The following CPEB3 variants were observed in gnomAD, a reference collection of about 807,000 sequenced individuals.
CPEB3 encodes cytoplasmic polyadenylation element binding protein 3.
CPEB3 carries 20 observed loss-of-function variants against 67.2 expected under a neutral mutation model. The ratio of observed to expected loss-of-function variants is 0.30; its 90% CI spans 0.21 to 0.43. The LOEUF is 0.43. Among genes scored for constraint, CPEB3 ranks in the 20% least tolerant of loss-of-function variants. The pLI is 1.00. For missense variants in CPEB3, 746 were observed against 968.6 expected (o/e 0.77, Z 3.05); for synonymous variants, 376 against 393.1 (o/e 0.96, Z 0.51).
chr10:92,113,992 A>G lies in CPEB3; in HGVS notation c.1454-2798T>C, dbSNP rs1005983986. 3.3e-5 allele frequency among the ~76,000 whole-genome samples: 5 copies of G among 152,222 alleles called. No individual in the cohort carries two copies. The South Asian group carries it at 8.3e-4, about 25-fold the overall frequency. ...CTTTAGGATGGCTCTTTTACTATAA[A>G]TAATCCTGTGTCAAAACAATTATCT... On this transcript the variant is annotated intron_variant, in intron 6 of 9. Coordinates refer to ENST00000265997, the MANE Select transcript of CPEB3 (RefSeq NM_014912.5).
chr10:92,102,427 C>T (rs1446371657), intron 7 of CPEB3, among the ~76,000 whole-genome samples: 1 of 152,162 alleles, frequency 6.6e-6, no homozygotes, highest in Non-Finnish European at 1.5e-5. Context: ...TCACATCCTC[C>T]TTGGATGCTC....
intron 1 of CPEB3, among the ~76,000 whole-genome samples, chr10:92,287,847 A>T (rs1842604507): frequency 6.6e-6 from 1 of 152,150 alleles, no homozygotes; most frequent in South Asian, 2.1e-4. Flanking sequence ...CCCTCTAATA[A>T]GGAACCTCAT....
At chr10:92,053,511 G>A (rs1035466821) in intron 9 of CPEB3, among the ~76,000 whole-genome samples, 5 of 148,050 alleles carry the variant, frequency 3.4e-5, no homozygotes, top group African/African-American at 1.0e-4. Context: ...TTACAGGAGT[G>A]CGCCACCACG....
chr10:92,222,502 C>T (rs1268922797), intron 2 of CPEB3, among the ~76,000 whole-genome samples: 4 of 152,194 alleles, frequency 2.6e-5, no homozygotes, highest in East Asian at 3.9e-4. Context: ...TTATTCAAAA[C>T]GTTATCAAAG....
Position 92,186,721 on chromosome 10 carries a change from C to T in CPEB3, c.1166-5702G>A, listed in dbSNP as rs138378902. ...AAGTGCTGGGATTATAGGCGTGAGCCACCATGCCTGGCCGCTAAAAACTCA... is the reference window on the plus strand; with the variant it reads ...AAGTGCTGGGATTATAGGCGTGAGCTACCATGCCTGGCCGCTAAAAACTCA... On this transcript the variant is annotated intron_variant, in intron 3 of 9. Coordinates refer to ENST00000265997, the MANE Select transcript of CPEB3 (RefSeq NM_014912.5). Among the ~76,000 whole-genome samples, 1,089 of 152,286 alleles carry T rather than the reference C, an allele frequency of 7.2e-3. 6 individuals carry two copies. Among genetic ancestry groups the T allele is most frequent in the Middle Eastern group, 0.014 (4 of 294 alleles).
At chr10:92,216,439 G>T (rs1850399250) in intron 2 of CPEB3, 1 of 1,612,866 alleles carries the variant, frequency 6.2e-7, no homozygotes, top group Non-Finnish European at 8.5e-7. Context: ...CCATCGCGCA[G>T]CTCCTGGCTT....
chr10:92,291,213 G>A (rs549216071), upstream of CPEB3: 59 of 527,186 alleles, frequency 1.1e-4, no homozygotes, highest in East Asian at 1.8e-3. Context: ...GGCGCCCGCG[G>A]TCCATGGACC....
At chr10:92,081,271 C>T (rs1396510776) in intron 9 of CPEB3, 49 bp downstream of exon 9, 2 of 1,603,980 alleles carry the variant, frequency 1.2e-6, no homozygotes, top group South Asian at 2.2e-5. Context: ...AACTACAGAA[C>T]AAACTTCTTT....
chr10:92,131,944 T>C (rs1845862293), intron 6 of CPEB3, among the ~76,000 whole-genome samples: 1 of 152,196 alleles, frequency 6.6e-6, no homozygotes, highest in African/African-American at 2.4e-5. Context: ...ATTAAAATTT[T>C]TCCAGTATCT....
intron 4 of CPEB3, among the ~76,000 whole-genome samples, chr10:92,156,838 T>A (rs1418710629): frequency 6.6e-6 from 1 of 152,222 alleles, no homozygotes; most frequent in East Asian, 1.9e-4. Flanking sequence ...ACATATATAT[T>A]AGCTTCTGCC....
intron 2 of CPEB3, among the ~76,000 whole-genome samples, chr10:92,194,777 C>CA (rs1440868033): frequency 2.0e-5 from 3 of 152,126 alleles, no homozygotes; most frequent in African/African-American, 7.2e-5. Context: ...CACGGTGGCT[C>CA]ACGCCTGTAA....
At chr10:92,276,177 G>A (rs553766048) in intron 1 of CPEB3, among the ~76,000 whole-genome samples, 62 of 150,962 alleles carry the variant, frequency 4.1e-4, no homozygotes, top group Non-Finnish European at 7.1e-4. Context: ...CAAATATTCC[G>A]TTGTATGGAC....
intron 8 of CPEB3, among the ~76,000 whole-genome samples, chr10:92,085,743 G>A (rs1843343438): frequency 6.6e-6 from 1 of 152,062 alleles, no homozygotes; most frequent in Non-Finnish European, 1.5e-5. Context: ...CAAGTAGCTG[G>A]GATTATAGGA....
In CPEB3 at chr10:92,145,004, C is replaced by T. The variant is rs754639698; in HGVS notation, c.1304G>A (p.Arg435Gln). 1.1e-5 allele frequency: 17 copies of T among 1,613,994 alleles called. No individual in the cohort carries two copies. The highest frequency in any genetic ancestry group is 1.4e-5 in the Non-Finnish European group (16 of 1,180,006). The change falls in exon 5 of 10, where the codon CGA (arginine) becomes CAA (glutamine). Residue 435 changes from arginine (R) to glutamine (Q), a missense_variant. By Grantham distance (43) the Arg-to-Gln change is conservative. Coordinates refer to ENST00000265997, the MANE Select transcript of CPEB3 (RefSeq NM_014912.5). The stretch of plus-strand genomic sequence containing the variant: ...CACCTTTCTAGAGTAGCGTTCTACT[C>T]GTTCCCCATTTTGACAGCGAGTGGG... The part of the protein sequence containing the change: ...SSPTRCQNGE[R>Q]VERYSRKVFV...
intron 3 of CPEB3, among the ~76,000 whole-genome samples, chr10:92,189,961 C>A (rs2134156897): frequency 6.6e-6 from 1 of 151,394 alleles, no homozygotes; most frequent in African/African-American, 2.4e-5. Flanking sequence ...AAAAAAACAC[C>A]AAAACAAACA....
intron 7 of CPEB3, among the ~76,000 whole-genome samples, chr10:92,098,837 T>A (rs1016153235): frequency 6.9e-6 from 1 of 145,968 alleles, no homozygotes; most frequent in Non-Finnish European, 1.5e-5. Context: ...AGTGGTGCAA[T>A]CTCAGCTCAC....
chr10:92,131,204 C>T (rs898581913), intron 6 of CPEB3, among the ~76,000 whole-genome samples: 18 of 152,152 alleles, frequency 1.2e-4, no homozygotes, highest in African/African-American at 4.1e-4. Flanking sequence ...ATTAGATTCT[C>T]TTCTTGGCAT....
intron 3 of CPEB3, among the ~76,000 whole-genome samples, chr10:92,184,364 G>A (rs1056447629): frequency 6.6e-6 from 1 of 152,164 alleles, no homozygotes; most frequent in African/African-American, 2.4e-5. Context: ...CAACACTTTG[G>A]GAGGCCGAGG....
At chr10:92,103,706 C>T (rs2133409793) in intron 7 of CPEB3, among the ~76,000 whole-genome samples, 1 of 152,344 alleles carries the variant, frequency 6.6e-6, no homozygotes, top group South Asian at 2.1e-4. Context: ...GTTGGACCTA[C>T]TAACAAAACT....
Sources: gnomAD v4.1 joint callset for allele counts (sites outside exome capture counted in the v4.1 genomes callset) on GRCh38, gnomAD v4.1.1 for gene constraint, MANE v1.5 for transcripts, NCBI Gene and HGNC (gene_info 2026-07-23, HGNC 2026-07-21) for gene names.